The following KCNJ1 variants were observed in gnomAD, a reference collection of about 807,000 sequenced individuals.
The protein encoded by KCNJ1 is potassium inwardly rectifying channel subfamily J member 1.
Under a neutral mutation model 21.9 loss-of-function variants are expected in KCNJ1, and 24 were observed. That is an observed-to-expected ratio of 1.10 (90% CI 0.79 to 1.54). The LOEUF (loss-of-function observed/expected upper bound fraction) is 1.54. Ranked by LOEUF, KCNJ1 falls within the 40% of genes most tolerant of loss-of-function variation. The pLI is 0.00. For synonymous variants in KCNJ1, 152 were observed against 160.9 expected (o/e 0.94, Z 0.42); for missense variants, 457 against 455.4 (o/e 1.00, Z -0.03).
chr11:128,862,707 G>A lies in KCNJ1; in HGVS notation c.-192+4466C>T, dbSNP rs190833754. On this transcript the variant is annotated intron_variant, in intron 1 of 2. Transcript: ENST00000392666. ...CTTCACTAAGGCCAGCACAGCGGGGGCTTCCCAGAGGTCTAAGGTGACCTT... is the reference window on the plus strand; with the variant it reads ...CTTCACTAAGGCCAGCACAGCGGGGACTTCCCAGAGGTCTAAGGTGACCTT... Among the ~76,000 whole-genome samples, 169 of 152,314 alleles carry A rather than the reference G, an allele frequency of 1.1e-3. 1 individual carries two copies. Among genetic ancestry groups the A allele is most frequent in the African/African-American group, 3.8e-3 (158 of 41,570 alleles).
chr11:128,843,639 C>T (rs1277857121), intron 2 of KCNJ1, among the ~76,000 whole-genome samples: 7 of 152,190 alleles, frequency 4.6e-5, no homozygotes, highest in South Asian at 2.1e-4. Flanking sequence ...CAACCACAAC[C>T]GAGCATGGTT....
At chr11:128,854,181 A>C (rs1591415815) in intron 1 of KCNJ1, among the ~76,000 whole-genome samples, 1 of 152,076 alleles carries the variant, frequency 6.6e-6, no homozygotes, top group Non-Finnish European at 1.5e-5. Flanking sequence ...ATGGGAGGAA[A>C]CTCACAGGGT....
intron 1 of KCNJ1, among the ~76,000 whole-genome samples, chr11:128,862,780 C>T (rs1274149904): frequency 6.6e-6 from 1 of 152,248 alleles, no homozygotes; most frequent in Non-Finnish European, 1.5e-5. Flanking sequence ...GCTCCCCATA[C>T]TCTGTGCATA....
chr11:128,850,410 A>G (rs1346443721), intron 2 of KCNJ1, among the ~76,000 whole-genome samples: 2 of 152,246 alleles, frequency 1.3e-5, no homozygotes, highest in African/African-American at 4.8e-5. Context: ...CCATGTCCCC[A>G]GTCCCTGCCT....
rs761781140 is a variant in KCNJ1, at chr11:128,839,618, C to T, written c.626G>A (p.Gly209Glu). The T allele has an allele frequency of 3.7e-5, 60 of 1,613,848 alleles. No homozygotes were observed. The highest frequency in any genetic ancestry group is 5.0e-5 in the Non-Finnish European group (59 of 1,180,038). Residue 209 changes from glycine to glutamate, a missense_variant, in exon 3 of 3, where the codon GGA (glycine) becomes GAA (glutamate). Physicochemically the swap from Gly to Glu is moderately conservative, Grantham distance 98 (BLOSUM62 -2). Coordinates refer to ENST00000392666, the MANE Select transcript of KCNJ1 (RefSeq NM_153766.3). ...AGTGACTGTGGTCTTCAGAAGCTTT[C>T]CATAAATGTGACTGCCAATAAGAAG... ...KSLLIGSHIY[G>E]KLLKTTVTPE...
In KCNJ1 at chr11:128,838,418, G is replaced by A. The variant is rs1249687563; in HGVS notation, c.*707C>T. On this transcript the variant is annotated 3_prime_UTR_variant, in exon 3 of 3. Transcript: ENST00000392666. Reference sequence around the variant, plus strand: ...CCAACTCCTCATTGCTGTCTTCGAAGAGCAGGAAATGCTCTTTATAAACAG... The same window carrying A: ...CCAACTCCTCATTGCTGTCTTCGAAAAGCAGGAAATGCTCTTTATAAACAG... 6.6e-6 allele frequency: 1 copy of A among 152,254 alleles called. No homozygotes were observed. Among genetic ancestry groups the A allele is most frequent in the South Asian group, 2.1e-4 (1 of 4,826 alleles). 9.4% of individuals were successfully genotyped at this position (152,254 alleles called of 1,614,324 possible).
At chr11:128,842,125 C>G (rs896799505) in intron 2 of KCNJ1, among the ~76,000 whole-genome samples, 1 of 152,232 alleles carries the variant, frequency 6.6e-6, no homozygotes, top group Non-Finnish European at 1.5e-5. Context: ...TCAATTGAAT[C>G]CACATTCTCT....
Position 128,840,017 on chromosome 11 carries a change from A to G in KCNJ1, c.227T>C (p.Phe76Ser). ...CGCTACTGCATACCACAGGAGACCAAAGAAAAACCAACTCCCCAAGAAGGC... is the reference window on the plus strand; with the variant it reads ...CGCTACTGCATACCACAGGAGACCAGAGAAAAACCAACTCCCCAAGAAGGC... ...ITAFLGSWFF[F>S]GLLWYAVAYI... Residue 76 changes from phenylalanine (F) to serine (S), a missense_variant, in exon 3 of 3, where the codon TTT becomes TCT. Coordinates refer to ENST00000392666, the MANE Select transcript of KCNJ1 (RefSeq NM_153766.3). 2 of 1,614,038 alleles carry G rather than the reference A, an allele frequency of 1.2e-6. No individual in the cohort carries two copies. Among genetic ancestry groups the G allele is most frequent in the Non-Finnish European group, 1.7e-6 (2 of 1,179,970 alleles).
At chr11:128,842,277 C>T in intron 2 of KCNJ1, 2 of 1,212,838 alleles carry the variant, frequency 1.6e-6, no homozygotes, top group Non-Finnish European at 2.4e-6. Context: ...AAGAAGTACC[C>T]CCTGATTGAT....
At chr11:128,844,770 G>A (rs549321453) in intron 2 of KCNJ1, among the ~76,000 whole-genome samples, 30 of 152,216 alleles carry the variant, frequency 2.0e-4, no homozygotes, top group Admixed American at 3.9e-4. Flanking sequence ...TGTCAAAGAG[G>A]GGAAAGGGAA....
intron 1 of KCNJ1, among the ~76,000 whole-genome samples, chr11:128,855,581 T>C (rs563774544): frequency 3.5e-4 from 53 of 152,316 alleles, no homozygotes; most frequent in African/African-American, 1.2e-3. Context: ...GGATAGGCTA[T>C]AAGGCGGTGT....
intron 2 of KCNJ1, among the ~76,000 whole-genome samples, chr11:128,848,705 C>T (rs1411823202): frequency 6.6e-6 from 1 of 152,186 alleles, no homozygotes; most frequent in African/African-American, 2.4e-5. Flanking sequence ...GAGAAACTCA[C>T]TGCCACACAA....
intron 2 of KCNJ1, among the ~76,000 whole-genome samples, chr11:128,842,984 T>C (rs2135943717): frequency 6.6e-6 from 1 of 152,350 alleles, no homozygotes; most frequent in South Asian, 2.1e-4. Context: ...ATACAACAGT[T>C]ATGTAAGAAA....
intron 2 of KCNJ1, among the ~76,000 whole-genome samples, chr11:128,846,444 TC>T (rs913434733): frequency 6.6e-6 from 1 of 152,138 alleles, no homozygotes; most frequent in Non-Finnish European, 1.5e-5. Flanking sequence ...GGGGTCTACC[TC>T]CTGGAGCGAA....
At chr11:128,850,945 C>G (rs2135950588) in intron 1 of KCNJ1, 55 bp from the exon 2 acceptor site, 2 of 913,304 alleles carry the variant, frequency 2.2e-6, no homozygotes, top group South Asian at 5.0e-5. Context: ...CAGGCCCACA[C>G]AGAAGCCAGG....
intron 2 of KCNJ1, among the ~76,000 whole-genome samples, chr11:128,840,735 T>C (rs1472162724): frequency 6.6e-6 from 1 of 152,174 alleles, no homozygotes; most frequent in Admixed American, 6.5e-5. Flanking sequence ...AACTGACCAA[T>C]AAAACACTCA....
Position 128,844,800 on chromosome 11 carries a change from G to A in KCNJ1, c.-21-4536C>T, listed in dbSNP as rs746709767. Among the ~76,000 whole-genome samples the A allele has an allele frequency of 4.6e-5, 7 of 151,900 alleles. No individual in the cohort carries two copies. The East Asian group carries it at 5.8e-4, about 13-fold the overall frequency. ...AGGGAAAATAGGCATGGCTGTTACC[G>A]CTTCTGATTTAGAATTAAAAGTCTA... On this transcript the variant is annotated intron_variant, in intron 2 of 2. Transcript: ENST00000392666.
chr11:128,841,695 C>T (rs1943284316), intron 2 of KCNJ1, among the ~76,000 whole-genome samples: 1 of 152,032 alleles, frequency 6.6e-6, no homozygotes, highest in African/African-American at 2.4e-5. Context: ...TAGTGATATC[C>T]CACAGTGTCT....
intron 2 of KCNJ1, 46 bp from the exon 3 acceptor site, chr11:128,840,310 A>C (rs533836280): frequency 1.9e-6 from 3 of 1,573,350 alleles, no homozygotes; most frequent in East Asian, 4.5e-5. Flanking sequence ...TGTTTATAGC[A>C]ATAGTGAACT....
Sources: gnomAD v4.1 joint callset for allele counts (sites outside exome capture counted in the v4.1 genomes callset) on GRCh38, gnomAD v4.1.1 for gene constraint, MANE v1.5 for transcripts, NCBI Gene and HGNC (gene_info 2026-07-23, HGNC 2026-07-21) for gene names.